The following CUBN variants were observed in gnomAD, a reference collection of about 807,000 sequenced individuals.
CUBN encodes 460 kDa receptor.
Under a neutral mutation model 405.3 loss-of-function variants are expected in CUBN, and 282 were observed. That is an observed-to-expected ratio of 0.70 (90% CI 0.63 to 0.77). The LOEUF (loss-of-function observed/expected upper bound fraction) is 0.77. CUBN is among the 30% of genes least tolerant of loss of function. The probability of loss-of-function intolerance (pLI) is 0.00; values close to 1 mark genes in which losing one functional copy is unlikely to be tolerated. For synonymous variants in CUBN, 1,684 were observed against 1,617.0 expected, an observed-to-expected ratio of 1.04 and a Z score of -0.99; for missense variants, 4,514 against 4,475.2, an observed-to-expected ratio of 1.01 and a Z score of -0.25.
At chr10:16,900,602 A>C (rs777783342) in intron 53 of CUBN, 23 bp downstream of exon 53, 1 of 1,554,584 alleles carries the variant, frequency 6.4e-7, no homozygotes, top group Non-Finnish European at 8.9e-7. Flanking sequence ...AAGAAAATCA[A>C]ATGGAGCAAA....
rs1045332843 is a variant in CUBN, at chr10:16,913,713, T to C, written c.7533+98A>G. 10 of 1,354,820 alleles carry C rather than the reference T, an allele frequency of 7.4e-6. No homozygotes were observed. In the Admixed American group the frequency reaches 8.4e-5, roughly 11 times the overall value. The allele number at this position is 1,354,820 out of a possible 1,614,324, so 83.9% of individuals were successfully genotyped here. On this transcript the variant is annotated intron_variant, in intron 48 of 66. Transcript: ENST00000377833. ...TTTGTCTGAGTTATAGTTGCATAGA[T>C]GGCAATTTTCCTGACCTAGTTTTCT...
intron 54 of CUBN, among the ~76,000 whole-genome samples, chr10:16,891,621 G>C (rs116830588): frequency 1.5e-3 from 236 of 152,260 alleles, no homozygotes; most frequent in African/African-American, 5.3e-3. Flanking sequence ...GGTAGGTTTT[G>C]CCCTAGTTCA....
chr10:16,932,142 G>A (rs962569856), intron 40 of CUBN, among the ~76,000 whole-genome samples: 11 of 152,132 alleles, frequency 7.2e-5, no homozygotes, highest in African/African-American at 2.7e-4. Flanking sequence ...ATTGATTTGA[G>A]TCTCTACTTA....
Position 16,940,128 on chromosome 10 carries a change from G to GA in CUBN, c.5451dup (p.Leu1818SerfsTer37), listed in dbSNP as rs757620530. 2.5e-6 allele frequency: 4 copies of GA among 1,614,110 alleles called. No homozygotes were observed. The South Asian group carries it at 4.4e-5, about 18-fold the overall frequency. ...TGTCCAACGATGGAAGAATAATTGA[G>GA]AGGGAAGGAGTTTCCACAGTATCGT... On this transcript the variant is annotated frameshift_variant, in exon 37 of 67. Coordinates refer to ENST00000377833, the MANE Select transcript of CUBN (RefSeq NM_001081.4). LOFTEE classifies it high-confidence loss of function.
At chr10:16,983,995 G>A (rs1245115813) in intron 30 of CUBN, 110 bp downstream of exon 30, 18 of 1,213,312 alleles carry the variant, frequency 1.5e-5, no homozygotes, top group Non-Finnish European at 2.1e-5. Context: ...TGCCCTTTGG[G>A]ATGTCACTAA....
chr10:17,093,362 C>T (rs948273529), intron 14 of CUBN, among the ~76,000 whole-genome samples: 16 of 152,078 alleles, frequency 1.1e-4, no homozygotes, highest in African/African-American at 1.9e-4. Flanking sequence ...GATGTGTTGC[C>T]TCATTCAGTC....
intron 8 of CUBN, among the ~76,000 whole-genome samples, chr10:17,113,471 A>G (rs192630096): frequency 4.6e-4 from 70 of 152,328 alleles, no homozygotes; most frequent in Non-Finnish European, 1.0e-4. Flanking sequence ...TCATAAAACA[A>G]AAGATGCCCT....
Position 16,869,117 on chromosome 10 carries a change from C to A in CUBN, c.9454+519G>T, listed in dbSNP as rs542621482. Among the ~76,000 whole-genome samples, 26 of 151,250 alleles carry A rather than the reference C, an allele frequency of 1.7e-4. 1 individual carries two copies. The South Asian group carries it at 4.6e-3, about 27-fold the overall frequency. On this transcript the variant is annotated intron_variant, in intron 59 of 66. Transcript: ENST00000377833. ...ATTTCTATCATAAGCTTCTTCCTTC[C>A]CATGTTGTAGGTTCTTCTAGCCTTC...
intron 36 of CUBN, among the ~76,000 whole-genome samples, chr10:16,944,876 C>A (rs1226249249): frequency 6.6e-6 from 1 of 152,194 alleles, no homozygotes; most frequent in Non-Finnish European, 1.5e-5. Flanking sequence ...ACAGAAGATA[C>A]TTCAGAAATG....
chr10:16,850,721 C>T (rs1839662252), intron 60 of CUBN, among the ~76,000 whole-genome samples: 1 of 152,196 alleles, frequency 6.6e-6, no homozygotes, highest in Non-Finnish European at 1.5e-5. Flanking sequence ...GATCCTCCTG[C>T]CTCGGTGTCC....
intron 17 of CUBN, among the ~76,000 whole-genome samples, chr10:17,077,654 T>C (rs1835881685): frequency 6.6e-6 from 1 of 152,140 alleles, no homozygotes; most frequent in Non-Finnish European, 1.5e-5. Flanking sequence ...TGGCTTTCTG[T>C]GAAGTGAGCT....
chr10:16,907,652 G>A lies in CUBN; in HGVS notation c.7561C>T (p.Pro2521Ser). The change falls in exon 49 of 67, where the codon CCC becomes TCC. Residue 2521 changes from proline (P) to serine (S), a missense_variant. Physicochemically the swap from Pro to Ser is moderately conservative, Grantham distance 74. Coordinates refer to ENST00000377833, the MANE Select transcript of CUBN (RefSeq NM_001081.4). ...IVFNGIRSNS[P>S]QLEKLCSSVN... ...CTACTACACAGTTTCTCTAGCTGGG[G>A]TGAGTTACTTCTAATGCCATTGAAT... is the stretch of plus-strand genomic sequence containing the variant. The A allele has an allele frequency of 6.2e-7, 1 of 1,612,342 alleles. No individual in the cohort carries two copies. Among genetic ancestry groups the A allele is most frequent in the East Asian group, 2.2e-5 (1 of 44,886 alleles).
rs557504300 is a variant in CUBN at position 17,011,763 on chromosome 10, T to C, written c.4168+8070A>G. Among the ~76,000 whole-genome samples, 19 of 152,200 alleles carry C rather than the reference T, an allele frequency of 1.2e-4. No homozygotes were observed. In the South Asian group the frequency reaches 3.9e-3, roughly 32 times the overall value. Reference sequence around the variant, plus strand: ...GATCGGTGCGTTTACAAACCTTTAGTTAGACACAGAGCGCAGATTGGTGTG... The same window carrying C: ...GATCGGTGCGTTTACAAACCTTTAGCTAGACACAGAGCGCAGATTGGTGTG... On this transcript the variant is annotated intron_variant, in intron 28 of 66. Coordinates refer to ENST00000377833, the MANE Select transcript of CUBN (RefSeq NM_001081.4).
At chr10:16,887,085 G>A (rs1840843118) in intron 56 of CUBN, among the ~76,000 whole-genome samples, 1 of 152,212 alleles carries the variant, frequency 6.6e-6, no homozygotes, top group South Asian at 2.1e-4. Flanking sequence ...ACCGTGCCCA[G>A]CCTATATTAA....
intron 14 of CUBN, among the ~76,000 whole-genome samples, chr10:17,095,535 A>C (rs1836354687): frequency 6.6e-6 from 1 of 152,158 alleles, no homozygotes; most frequent in Non-Finnish European, 1.5e-5. Flanking sequence ...ATGGAAATGC[A>C]AATCAAAACC....
chr10:16,931,126 C>A (rs779681369), intron 40 of CUBN, among the ~76,000 whole-genome samples: 29 of 151,362 alleles, frequency 1.9e-4, no homozygotes, highest in Middle Eastern at 3.4e-3. Context: ...TAGCTGAGTG[C>A]GGTGGCGGGT....
At chr10:16,888,758 T>C (rs1840901365) in intron 55 of CUBN, among the ~76,000 whole-genome samples, 192 bp from the exon 56 acceptor site, 1 of 152,154 alleles carries the variant, frequency 6.6e-6, no homozygotes, top group African/African-American at 2.4e-5. Context: ...AAGAATATTA[T>C]ACATTTTTAG....
At position 17,127,943 on chromosome 10, in the gene CUBN, G is replaced by C; in HGVS notation, c.253-19C>G. ...TCTGGATCTAATTTTAGAAAAAGAA[G>C]AAGAAATGAAGAGCACTAGTGAAAA... On this transcript the variant is annotated intron_variant, in intron 2 of 66. Transcript: ENST00000377833. 5 of 1,455,470 alleles carry C rather than the reference G, an allele frequency of 3.4e-6. No homozygotes were observed. The highest frequency in any genetic ancestry group is 4.8e-6 in the Non-Finnish European group (5 of 1,038,878). 90.2% of individuals were successfully genotyped at this position (1,455,470 alleles called of 1,614,324 possible).
Position 16,948,491 on chromosome 10 carries a change from G to C in CUBN, c.5196C>G (p.Thr1732=). ...ISAGGFHTTV[T]ASVSACGGTF... ...AGGGTTTCTTACCCGACACTGATGCGGTGACCGTGGTGTGGAAACCCCCAG... is the reference window on the plus strand; with the variant it reads ...AGGGTTTCTTACCCGACACTGATGCCGTGACCGTGGTGTGGAAACCCCCAG... Residue 1732 remains threonine (T), a synonymous_variant, in exon 35 of 67, where the codon ACC becomes ACG. Coordinates refer to ENST00000377833, the MANE Select transcript of CUBN (RefSeq NM_001081.4). 1 of 1,613,920 alleles carries C rather than the reference G, an allele frequency of 6.2e-7. No individual in the cohort carries two copies. The highest frequency in any genetic ancestry group is 1.1e-5 in the South Asian group (1 of 91,060).
Sources: gnomAD v4.1 joint callset for allele counts (sites outside exome capture counted in the v4.1 genomes callset) on GRCh38, gnomAD v4.1.1 for gene constraint, MANE v1.5 for transcripts, NCBI Gene and HGNC (gene_info 2026-07-23, HGNC 2026-07-21) for gene names.